The following ZNF90 variants were observed in gnomAD, a reference collection of about 807,000 sequenced individuals.
ZNF90 encodes the protein zinc finger protein HTF9.
A neutral mutation model predicts 12.0 loss-of-function variants in ZNF90; 11 were observed. That is an observed-to-expected ratio of 0.92 (90% CI 0.58 to 1.52). The LOEUF is 1.52. Among genes scored for constraint, ZNF90 ranks in the 40% most tolerant of loss-of-function variants. ZNF90 has a pLI of 0.00. For synonymous variants in ZNF90, 232 were observed against 240.1 expected, an observed-to-expected ratio of 0.97 and a Z score of 0.31; for missense variants, 765 against 711.5, an observed-to-expected ratio of 1.08 and a Z score of -0.86.
chr19:20,099,565 C>T lies in ZNF90; in HGVS notation c.4-4674C>T, dbSNP rs1193799403. Among the ~76,000 whole-genome samples, 16 of 152,334 alleles carry T rather than the reference C, an allele frequency of 1.1e-4. 1 individual carries two copies. The highest frequency in any genetic ancestry group is 3.8e-4 in the African/African-American group (16 of 41,574). ...TGGACACTGGTGTGGCCTTCTTAGC[C>T]TTACTCTTTTGTCTTGGACAACTGT... On this transcript the variant is annotated intron_variant, in intron 1 of 3. Transcript: ENST00000418063.
chr19:20,102,209 T>G (rs1409498922), intron 1 of ZNF90, among the ~76,000 whole-genome samples: 1 of 152,180 alleles, frequency 6.6e-6, no homozygotes, highest in Non-Finnish European at 1.5e-5. Flanking sequence ...AAGTTCAACT[T>G]CCTCGATCTT....
rs781886682 is a variant in ZNF90 at position 20,105,254 on chromosome 19, G to C, written c.164G>C (p.Cys55Ser). The change falls in exon 3 of 4, where the codon TGT becomes TCT. Residue 55 changes from cysteine (C) to serine (S), a missense_variant. Transcript: ENST00000418063. ...IVVTKPDLIT[C>S]LEQGKKPFTV... ...GTCACTAAGCCAGACCTGATCACCT[G>C]TCTGGAGCAAGGAAAAAAACCCTTC... 5 of 1,607,480 alleles carry C rather than the reference G, an allele frequency of 3.1e-6. No homozygotes were observed. Among genetic ancestry groups the C allele is most frequent in the Non-Finnish European group, 4.2e-6 (5 of 1,176,674 alleles).
chr19:20,080,452 A>C (rs58903881), intron 1 of ZNF90: 3,167 of 307,764 alleles, frequency 0.01, 105 homozygotes, highest in African/African-American at 0.067. Context: ...GCCGGGCGCC[A>C]CAACTCATCC....
chr19:20,079,420 T>C (rs942579252), intron 1 of ZNF90, among the ~76,000 whole-genome samples: 1 of 152,118 alleles, frequency 6.6e-6, no homozygotes, highest in Non-Finnish European at 1.5e-5. Context: ...AGGCACTTGT[T>C]TGACTTTGTA....
In ZNF90 at chr19:20,120,375, T is replaced by TATTA. The variant is rs1844207325; in HGVS notation, c.*1016_*1019dup. 6.6e-6 allele frequency among the ~76,000 whole-genome samples: 1 copy of TATTA among 152,192 alleles called. No individual in the cohort carries two copies. The highest frequency in any genetic ancestry group is 1.5e-5 in the Non-Finnish European group (1 of 68,026). The stretch of plus-strand genomic sequence containing the variant: ...ACCATTACACATATAAAGGGGGTTG[T>TATTA]ATTACCTTTACTTGCATCACAGATT... On this transcript the variant is annotated 3_prime_UTR_variant, in exon 4 of 4. Transcript: ENST00000418063.
chr19:20,104,529 T>A (rs373285853), intron 2 of ZNF90, among the ~76,000 whole-genome samples, 164 bp downstream of exon 2: 9 of 152,370 alleles, frequency 5.9e-5, no homozygotes, highest in South Asian at 2.1e-4. Context: ...TTCTTCAAGA[T>A]GTTTCATCTT....
chr19:20,113,187 TC>T (rs1224340515), intron 3 of ZNF90, among the ~76,000 whole-genome samples: 1 of 151,998 alleles, frequency 6.6e-6, no homozygotes, highest in African/African-American at 2.4e-5. Context: ...TATTTTTTTT[TC>T]TTTTTTTTTT....
intron 1 of ZNF90, chr19:20,087,261 T>G (rs1345908226): frequency 6.6e-6 from 1 of 152,248 alleles, no homozygotes; most frequent in Non-Finnish European, 1.5e-5. Flanking sequence ...GAGCTTTTTC[T>G]TAGATTATTT....
At position 20,104,288 on chromosome 19, in the gene ZNF90, G is replaced by C. The variant is rs781874189; in HGVS notation, c.53G>C (p.Trp18Ser). 6.2e-7 allele frequency: 1 copy of C among 1,614,070 alleles called. No homozygotes were observed. The highest frequency in any genetic ancestry group is 8.5e-7 in the Non-Finnish European group (1 of 1,179,998). ...DVAIEFSLEE[W>S]HCLDTAQQNL... ...GCCATAGAATTCTCTCTGGAGGAGT[G>C]GCATTGCCTGGACACTGCACAGCAG... The change falls in exon 2 of 4, where the codon TGG (tryptophan) becomes TCG (serine). Residue 18 changes from tryptophan (W) to serine (S), a missense_variant. Coordinates refer to ENST00000418063, the MANE Select transcript of ZNF90 (RefSeq NM_007138.2).
chr19:20,080,808 C>A (rs946111672), intron 1 of ZNF90, among the ~76,000 whole-genome samples: 1 of 152,204 alleles, frequency 6.6e-6, no homozygotes, highest in South Asian at 2.1e-4. Flanking sequence ...TCTGTGCTGA[C>A]TCTGGGTGGT....
intron 1 of ZNF90, among the ~76,000 whole-genome samples, chr19:20,099,844 G>A (rs781984114): frequency 9.2e-5 from 14 of 152,180 alleles, no homozygotes; most frequent in Admixed American, 5.2e-4. Context: ...CCATGCCCAT[G>A]CAGCAATATA....
At position 20,098,141 on chromosome 19, in the gene ZNF90, G is replaced by A. The variant is rs533101482; in HGVS notation, c.4-6098G>A. On this transcript the variant is annotated intron_variant, in intron 1 of 3. Coordinates refer to ENST00000418063, the MANE Select transcript of ZNF90 (RefSeq NM_007138.2). The stretch of plus-strand genomic sequence containing the variant: ...TTCATGTAGACTTATCATTTAGAAT[G>A]TGCTAGAACAGCCTCTATTAGGGGA... 1.7e-4 allele frequency among the ~76,000 whole-genome samples: 26 copies of A among 152,192 alleles called. No individual in the cohort carries two copies. The South Asian group carries it at 5.2e-3, about 30-fold the overall frequency.
Position 20,118,325 on chromosome 19 carries a change from C to A in ZNF90, c.771C>A (p.Tyr257Ter). 6.4e-7 allele frequency: 1 copy of A among 1,561,648 alleles called. No individual in the cohort carries two copies. The highest frequency in any genetic ancestry group is 2.4e-5 in the East Asian group (1 of 41,622). The stretch of plus-strand genomic sequence containing the variant: ...GAATTCATACTGGAGAGAAACGGTA[C>A]AAATGTGAAGATTGTGGCAAAGAAT... ...HKRIHTGEKRYKCEDCGKELK... is the reference protein window; with the variant it reads ...HKRIHTGEKR The change falls in exon 4 of 4, where the codon TAC becomes TAA. Residue 257 changes from tyrosine to a stop codon, truncating the protein, a stop_gained. Coordinates refer to ENST00000418063, the MANE Select transcript of ZNF90 (RefSeq NM_007138.2). LOFTEE classifies it low-confidence loss of function (END_TRUNC).
chr19:20,111,793 C>G (rs1041663899), intron 3 of ZNF90, among the ~76,000 whole-genome samples: 1 of 151,858 alleles, frequency 6.6e-6, no homozygotes, highest in Non-Finnish European at 1.5e-5. Flanking sequence ...AAAAACTATG[C>G]CTCTATATTT....
At chr19:20,095,256 T>C (rs948064575) in intron 1 of ZNF90, among the ~76,000 whole-genome samples, 1 of 152,094 alleles carries the variant, frequency 6.6e-6, no homozygotes, top group Non-Finnish European at 1.5e-5. Context: ...CATTTGCCCA[T>C]TTTTCGACAA....
chr19:20,087,488 A>C (rs924590212), intron 1 of ZNF90: 1 of 152,186 alleles, frequency 6.6e-6, no homozygotes, highest in Non-Finnish European at 1.5e-5. Flanking sequence ...AGGAGTTGAA[A>C]CACTGCTCCC....
intron 3 of ZNF90, among the ~76,000 whole-genome samples, chr19:20,113,792 C>A (rs2089112730): frequency 6.6e-6 from 1 of 152,060 alleles, no homozygotes; most frequent in African/African-American, 2.4e-5. Context: ...CGCGCCACTG[C>A]ACTCCAGCCT....
intron 3 of ZNF90, among the ~76,000 whole-genome samples, 178 bp downstream of exon 3, chr19:20,105,494 T>G (rs2089028580): frequency 6.6e-6 from 1 of 152,208 alleles, no homozygotes; most frequent in South Asian, 2.1e-4. Flanking sequence ...TCTTCTGTCT[T>G]ATGCTTTTAA....
At chr19:20,115,185 T>C (rs1555705537) in intron 3 of ZNF90, among the ~76,000 whole-genome samples, 1 of 152,164 alleles carries the variant, frequency 6.6e-6, no homozygotes, top group Non-Finnish European at 1.5e-5. Context: ...ATCTTGCCAC[T>C]TTCAGTCTTT....
Sources: gnomAD v4.1 joint callset for allele counts (sites outside exome capture counted in the v4.1 genomes callset) on GRCh38, gnomAD v4.1.1 for gene constraint, MANE v1.5 for transcripts, NCBI Gene and HGNC (gene_info 2026-07-23, HGNC 2026-07-21) for gene names.